Variants in MACROD2 observed in about 807,000 individuals in gnomAD.
The protein encoded by MACROD2 is ADP-ribose glycohydrolase MACROD2.
MACROD2 carries 36 observed loss-of-function variants against 70.4 expected under a neutral mutation model. The ratio of observed to expected loss-of-function variants is 0.51; its 90% CI spans 0.39 to 0.68. The LOEUF is 0.68. MACROD2 is among the 30% of genes least tolerant of loss of function. The pLI, the probability that MACROD2 is intolerant of heterozygous loss-of-function variation, is 0.00. For missense variants in MACROD2, 496 were observed against 538.4 expected, an observed-to-expected ratio of 0.92 and a Z score of 0.78; for synonymous variants, 172 against 178.8, an observed-to-expected ratio of 0.96 and a Z score of 0.30.
intron 3 of MACROD2, among the ~76,000 whole-genome samples, chr20:14,490,387 G>A (rs372887438): frequency 1.3e-5 from 2 of 152,044 alleles, no homozygotes; most frequent in South Asian, 2.1e-4. Context: ...ATCTCCTTGC[G>A]TGAAGTTATT....
chr20:14,894,715 A>G (rs2073806721), intron 5 of MACROD2: 1 of 152,210 alleles, frequency 6.6e-6, no homozygotes, highest in African/African-American at 2.4e-5. Flanking sequence ...AATAGCAAAT[A>G]ACATAACAAA....
intron 15 of MACROD2, among the ~76,000 whole-genome samples, chr20:16,039,850 A>G (rs1349999273): frequency 6.6e-6 from 1 of 151,912 alleles, no homozygotes; most frequent in East Asian, 1.9e-4. Context: ...AGTGACTTTC[A>G]TCTTGTCCTT....
At chr20:15,325,957 C>A (rs558609683) in intron 6 of MACROD2, among the ~76,000 whole-genome samples, 3 of 152,082 alleles carry the variant, frequency 2.0e-5, no homozygotes, top group African/African-American at 7.2e-5. Context: ...TATCCATCAC[C>A]TTCAGGTCCA....
chr20:15,700,368 C>T (rs976161722), intron 8 of MACROD2, among the ~76,000 whole-genome samples: 8 of 152,186 alleles, frequency 5.3e-5, no homozygotes, highest in Non-Finnish European at 1.2e-4. Context: ...GCGGCACTGG[C>T]GATGGTTTCG....
chr20:14,443,966 A>G lies in MACROD2; in HGVS notation c.272-49513A>G, dbSNP rs151045732. On this transcript the variant is annotated intron_variant, in intron 3 of 17. Coordinates refer to ENST00000684519, the MANE Select transcript of MACROD2 (RefSeq NM_001351661.2). ...GCTACTATTGTGGCATAAGTCTTTT[A>G]TTTAGATAACAAAGCAGCTTACATT... 2.2e-3 allele frequency among the ~76,000 whole-genome samples: 331 copies of G among 152,248 alleles called. 2 individuals carry two copies. Among genetic ancestry groups the G allele is most frequent in the Middle Eastern group, 3.4e-3 (1 of 294 alleles).
At chr20:14,580,440 T>C (rs1369826634) in intron 4 of MACROD2, among the ~76,000 whole-genome samples, 3 of 10,192 alleles carry the variant, frequency 2.9e-4, no homozygotes, top group Admixed American at 2.3e-3. Flanking sequence ...TCCCGTTGCC[T>C]GAAAAAAAAA....
chr20:14,059,034 C>T (rs937077184), intron 2 of MACROD2, among the ~76,000 whole-genome samples: 2 of 152,070 alleles, frequency 1.3e-5, no homozygotes, highest in Non-Finnish European at 2.9e-5. Context: ...TTTCTTTCTA[C>T]GTGTGTAGAG....
intron 8 of MACROD2, among the ~76,000 whole-genome samples, chr20:15,688,281 C>T (rs1042288592): frequency 2.0e-5 from 3 of 152,120 alleles, no homozygotes; most frequent in Admixed American, 1.3e-4. Context: ...AGGTTTCTGT[C>T]GTACCATACT....
At chr20:14,144,903 C>A (rs956127978) in intron 3 of MACROD2, among the ~76,000 whole-genome samples, 3 of 152,202 alleles carry the variant, frequency 2.0e-5, no homozygotes, top group African/African-American at 7.2e-5. Context: ...AGATTTCTCT[C>A]AGGGCTCATC....
intron 4 of MACROD2, among the ~76,000 whole-genome samples, chr20:14,683,366 T>G (rs1471760714): frequency 6.6e-6 from 1 of 152,190 alleles, no homozygotes; most frequent in Non-Finnish European, 1.5e-5. Context: ...ATACTACCAT[T>G]ATTGACAAGG....
intron 5 of MACROD2, among the ~76,000 whole-genome samples, chr20:15,021,089 C>CGTGTGT (rs1555774621): frequency 7.8e-6 from 1 of 127,502 alleles, no homozygotes; most frequent in Non-Finnish European, 1.7e-5. Context: ...TGTGTATACA[C>CGTGTGT]GTGTATGTGT....
chr20:16,047,755 T>C (rs2067403427), intron 17 of MACROD2, among the ~76,000 whole-genome samples: 1 of 152,194 alleles, frequency 6.6e-6, no homozygotes, highest in Non-Finnish European at 1.5e-5. Flanking sequence ...GAATCACTCA[T>C]GTTATAAGCC....
chr20:14,691,210 C>T (rs970553352), intron 5 of MACROD2, among the ~76,000 whole-genome samples: 2 of 152,190 alleles, frequency 1.3e-5, no homozygotes, highest in Admixed American at 6.5e-5. Flanking sequence ...AACCACAGCA[C>T]CTGGCCAATC....
chr20:14,289,312 C>G (rs1015377654), intron 3 of MACROD2, among the ~76,000 whole-genome samples: 2 of 152,180 alleles, frequency 1.3e-5, no homozygotes, highest in African/African-American at 4.8e-5. Flanking sequence ...GTCTCCACAC[C>G]TATAATCTTG....
intron 4 of MACROD2, among the ~76,000 whole-genome samples, chr20:14,614,241 T>C (rs970310333): frequency 2.0e-5 from 3 of 152,164 alleles, no homozygotes; most frequent in Admixed American, 6.6e-5. Context: ...ACAATTATAG[T>C]AATTTTCTCA....
At chr20:14,770,825 T>C (rs931814635) in intron 5 of MACROD2, among the ~76,000 whole-genome samples, 1 of 151,986 alleles carries the variant, frequency 6.6e-6, no homozygotes, top group Non-Finnish European at 1.5e-5. Flanking sequence ...CTGTGGTAGA[T>C]CTGGGATTTG....
chr20:14,707,934 G>A (rs371502246), intron 5 of MACROD2, among the ~76,000 whole-genome samples: 2 of 152,098 alleles, frequency 1.3e-5, no homozygotes, highest in East Asian at 3.8e-4. Flanking sequence ...ATACATAGAG[G>A]CAATATAGTC....
At chr20:15,377,015 T>C (rs1398365151) in intron 6 of MACROD2, among the ~76,000 whole-genome samples, 2 of 152,092 alleles carry the variant, frequency 1.3e-5, no homozygotes, top group Non-Finnish European at 2.9e-5. Flanking sequence ...CTCAGCCTCC[T>C]GAGTAGCTGG....
intron 8 of MACROD2, among the ~76,000 whole-genome samples, chr20:15,762,362 A>C (rs2051450039): frequency 6.6e-6 from 1 of 152,152 alleles, no homozygotes; most frequent in South Asian, 2.1e-4. Context: ...GTCTGCCCTC[A>C]ATTCCATGTT....
Sources: allele counts gnomAD v4.1 joint callset (sites outside exome capture counted in the v4.1 genomes callset), GRCh38; gene constraint gnomAD v4.1.1; transcripts MANE v1.5; gene names NCBI Gene and HGNC (gene_info 2026-07-23, HGNC 2026-07-21).